Variants in CADM2 observed in about 807,000 individuals in gnomAD.
CADM2 encodes cell adhesion molecule 2.
Under a neutral mutation model 49.8 loss-of-function variants are expected in CADM2, and 12 were observed. That is an observed-to-expected ratio of 0.24 (90% confidence interval 0.15 to 0.39). The LOEUF (loss-of-function observed/expected upper bound fraction) is 0.39. CADM2 is among the 10% of genes least tolerant of loss of function. The pLI is 1.00. For missense variants in CADM2, 378 were observed against 492.3 expected, an observed-to-expected ratio of 0.77 and a Z score of 2.20; for synonymous variants, 214 against 175.4, an observed-to-expected ratio of 1.22 and a Z score of -1.74.
chr3:85,839,479 G>A (rs970817416), intron 3 of CADM2, among the ~76,000 whole-genome samples: 2 of 144,200 alleles, frequency 1.4e-5, no homozygotes, highest in Non-Finnish European at 3.1e-5. Flanking sequence ...ATTATTCTTT[G>A]CCATTTTTTT....
chr3:85,096,465 GA>G (rs2037798992), intron 1 of CADM2, among the ~76,000 whole-genome samples: 18 of 151,908 alleles, frequency 1.2e-4, no homozygotes, highest in Admixed American at 1.2e-3. Context: ...TAAGAAAATA[GA>G]TCTTATTAAA....
intron 8 of CADM2, among the ~76,000 whole-genome samples, chr3:86,036,471 C>G (rs1735177229): frequency 6.6e-6 from 1 of 152,076 alleles, no homozygotes; most frequent in African/African-American, 2.4e-5. Flanking sequence ...TCAGTCTGCC[C>G]CTTAATTCCA....
chr3:84,995,407 A>G (rs2033123248), intron 1 of CADM2, among the ~76,000 whole-genome samples: 1 of 152,216 alleles, frequency 6.6e-6, no homozygotes, highest in Non-Finnish European at 1.5e-5. Flanking sequence ...CAATTTTAAA[A>G]TGTGTGCATT....
At chr3:85,134,326 C>T (rs947462346) in intron 1 of CADM2, among the ~76,000 whole-genome samples, 1 of 152,186 alleles carries the variant, frequency 6.6e-6, no homozygotes, top group Non-Finnish European at 1.5e-5. Context: ...AGCGGCGGGC[C>T]GAAGGGCCCC....
chr3:86,065,574 A>G (rs970137497), intron 8 of CADM2, 31 bp from the exon 9 acceptor site: 21 of 1,597,742 alleles, frequency 1.3e-5, no homozygotes, highest in Non-Finnish European at 1.7e-5. Flanking sequence ...ATAACACATT[A>G]AATAGAACAA....
intron 2 of CADM2, among the ~76,000 whole-genome samples, chr3:85,767,073 A>G (rs1226463648): frequency 1.3e-5 from 2 of 152,224 alleles, no homozygotes; most frequent in Admixed American, 1.3e-4. Context: ...TATATTCAAT[A>G]CACTTTACCC....
At chr3:85,797,232 A>G (rs1327018793) in intron 2 of CADM2, among the ~76,000 whole-genome samples, 1 of 151,950 alleles carries the variant, frequency 6.6e-6, no homozygotes, top group Non-Finnish European at 1.5e-5. Flanking sequence ...TATTTTTTGG[A>G]TAGAAACCAT....
chr3:84,966,473 A>AT (rs1227100250), intron 1 of CADM2, among the ~76,000 whole-genome samples: 6 of 151,288 alleles, frequency 4.0e-5, no homozygotes, highest in African/African-American at 7.3e-5. Context: ...TAAGAATTTT[A>AT]TTTTTTTTTA....
At chr3:85,480,358 G>A (rs2039159357) in intron 1 of CADM2, among the ~76,000 whole-genome samples, 1 of 151,740 alleles carries the variant, frequency 6.6e-6, no homozygotes, top group African/African-American at 2.4e-5. Flanking sequence ...ATAATGAGGT[G>A]GTTAAAAGCA....
At chr3:85,379,574 A>T (rs1315150609) in intron 1 of CADM2, among the ~76,000 whole-genome samples, 1 of 151,874 alleles carries the variant, frequency 6.6e-6, no homozygotes, top group Non-Finnish European at 1.5e-5. Context: ...CTCTTGCTTT[A>T]ATGATATCAG....
intron 1 of CADM2, among the ~76,000 whole-genome samples, chr3:85,525,169 A>G (rs959546141): frequency 6.6e-6 from 1 of 152,238 alleles, no homozygotes; most frequent in Non-Finnish European, 1.5e-5. Flanking sequence ...AAATTAAAAA[A>G]TAAAACATAA....
At chr3:85,856,359 A>G (rs1459177857) in intron 3 of CADM2, among the ~76,000 whole-genome samples, 1 of 152,170 alleles carries the variant, frequency 6.6e-6, no homozygotes, top group Admixed American at 6.5e-5. Context: ...ATATTTTGTT[A>G]AGTACTCTGT....
intron 1 of CADM2, among the ~76,000 whole-genome samples, chr3:85,703,212 A>G (rs1005840725): frequency 6.6e-6 from 1 of 152,160 alleles, no homozygotes; most frequent in Non-Finnish European, 1.5e-5. Context: ...AACTTTTGTT[A>G]TAGAGTTCTT....
chr3:85,514,905 T>A (rs764977726), intron 1 of CADM2, among the ~76,000 whole-genome samples: 1 of 152,176 alleles, frequency 6.6e-6, no homozygotes, highest in African/African-American at 2.4e-5. Flanking sequence ...TTCACTGTGA[T>A]AAAGTATATC....
chr3:85,743,849 A>T (rs1447870950), intron 2 of CADM2, among the ~76,000 whole-genome samples: 1 of 152,176 alleles, frequency 6.6e-6, no homozygotes, highest in Non-Finnish European at 1.5e-5. Flanking sequence ...GTAAGTCATA[A>T]GAGAAAATTT....
chr3:85,311,578 G>A (rs929080800), intron 1 of CADM2, among the ~76,000 whole-genome samples: 10 of 151,756 alleles, frequency 6.6e-5, no homozygotes, highest in African/African-American at 1.7e-4. Context: ...GGGTTTCACC[G>A]TGTTAGCCAG....
chr3:85,155,965 C>G (rs892237420), intron 1 of CADM2, among the ~76,000 whole-genome samples: 6 of 152,146 alleles, frequency 3.9e-5, no homozygotes, highest in African/African-American at 7.2e-5. Context: ...ATTTATAGCA[C>G]TAAATGCCCA....
intron 1 of CADM2, among the ~76,000 whole-genome samples, chr3:85,344,397 A>AAATG (rs2030334789): frequency 6.7e-6 from 1 of 149,058 alleles, no homozygotes; most frequent in Non-Finnish European, 1.5e-5. Context: ...ATAAATAAAT[A>AAATG]AATAAATAAA....
intron 1 of CADM2, among the ~76,000 whole-genome samples, chr3:85,037,792 G>A (rs2035279969): frequency 6.6e-6 from 1 of 152,142 alleles, no homozygotes; most frequent in Non-Finnish European, 1.5e-5. Flanking sequence ...ATATAAGAAT[G>A]TCATCCTTCA....
Sources: gnomAD v4.1 joint callset for allele counts (sites outside exome capture counted in the v4.1 genomes callset) on GRCh38, gnomAD v4.1.1 for gene constraint, MANE v1.5 for transcripts, NCBI Gene and HGNC (gene_info 2026-07-23, HGNC 2026-07-21) for gene names.